CCDC178: variants seen among roughly 807,000 people sequenced by gnomAD.
CCDC178 encodes coiled-coil domain containing 178, also known as coiled-coil domain-containing protein 178.
A neutral mutation model predicts 117.4 loss-of-function variants in CCDC178; 126 were observed. That is an observed-to-expected ratio of 1.07 (90% CI 0.93 to 1.24). The LOEUF (loss-of-function observed/expected upper bound fraction) is 1.24. Among genes scored for constraint, CCDC178 ranks in the 50% most tolerant of loss-of-function variants. The pLI, the probability that CCDC178 is intolerant of heterozygous loss-of-function variation, is 0.00. For synonymous variants in CCDC178, 283 were observed against 313.4 expected (o/e 0.90, Z 1.02); for missense variants, 1,030 against 986.9 (o/e 1.04, Z -0.59).
chr18:33,344,977 C>A (rs1015045271), intron 9 of CCDC178, among the ~76,000 whole-genome samples: 21 of 151,974 alleles, frequency 1.4e-4, no homozygotes, highest in Non-Finnish European at 1.2e-4. Context: ...CTAATCTTTT[C>A]TTGCAACTCT....
intron 21 of CCDC178, among the ~76,000 whole-genome samples, chr18:33,086,969 GACAC>G (rs71949744): frequency 0.12 from 14,950 of 123,914 alleles, 841 homozygotes; most frequent in Middle Eastern, 0.15. Flanking sequence ...GCTATTGGTT[GACAC>G]ACACACACAC....
intron 20 of CCDC178, among the ~76,000 whole-genome samples, chr18:33,138,960 A>C (rs998244756): frequency 1.3e-5 from 2 of 152,212 alleles, no homozygotes; most frequent in Admixed American, 1.3e-4. Context: ...CTGTGTCCCC[A>C]CCCAAATCAT....
At chr18:33,194,716 G>A (rs1301043413) in intron 20 of CCDC178, among the ~76,000 whole-genome samples, 3 of 151,716 alleles carry the variant, frequency 2.0e-5, no homozygotes, top group Admixed American at 2.0e-4. Flanking sequence ...TGATCTTCTT[G>A]ACTCATTTCT....
chr18:33,064,172 C>T (rs1249864476), intron 21 of CCDC178, among the ~76,000 whole-genome samples: 1 of 152,124 alleles, frequency 6.6e-6, no homozygotes, highest in Non-Finnish European at 1.5e-5. Flanking sequence ...TCCAAATGAA[C>T]ACAATAATTC....
intron 4 of CCDC178, among the ~76,000 whole-genome samples, chr18:33,392,304 C>T (rs147321819): frequency 2.0e-4 from 31 of 152,344 alleles, no homozygotes; most frequent in African/African-American, 7.5e-4. Context: ...ATTGTAACCA[C>T]AACTTCAGTC....
intron 21 of CCDC178, among the ~76,000 whole-genome samples, chr18:33,084,861 G>A (rs189864363): frequency 6.6e-6 from 1 of 151,620 alleles, no homozygotes; most frequent in Non-Finnish European, 1.5e-5. Context: ...CAATTCATGT[G>A]TCATTGCTGA....
chr18:33,232,264 A>G (rs1001078701), intron 15 of CCDC178, among the ~76,000 whole-genome samples: 3 of 152,164 alleles, frequency 2.0e-5, no homozygotes, highest in African/African-American at 7.2e-5. Context: ...GTACTAGGAC[A>G]AAAGATAGCT....
rs117804842 is a variant in CCDC178, at chr18:33,246,829, G to A, written c.1410-1401C>T. Among the ~76,000 whole-genome samples the A allele has an allele frequency of 9.6e-3, 1,451 of 151,892 alleles. 16 individuals carry two copies. The highest frequency in any genetic ancestry group is 0.017 in the Non-Finnish European group (1,123 of 67,882). On this transcript the variant is annotated intron_variant, in intron 14 of 22. Transcript: ENST00000383096. ...AGGCATTGAGGAGAACAGATCCTGA[G>A]ACCAATAACTCAACAATGCTGCCTA...
intron 2 of CCDC178, among the ~76,000 whole-genome samples, chr18:33,412,947 T>C (rs1166764386): frequency 6.6e-6 from 1 of 152,166 alleles, no homozygotes; most frequent in African/African-American, 2.4e-5. Context: ...TCAAATATTT[T>C]GTCCTATAGA....
chr18:33,363,228 G>A (rs141600582), intron 6 of CCDC178, among the ~76,000 whole-genome samples: 231 of 152,088 alleles, frequency 1.5e-3, no homozygotes, highest in African/African-American at 4.9e-3. Context: ...GGCTTTTGGG[G>A]CATGGAAGTA....
At position 33,296,765 on chromosome 18, in the gene CCDC178, C is replaced by T. The variant is rs150705519; in HGVS notation, c.1023-3453G>A. ...ATTTTGGGCCAGGCGTGGTGGCTCA[C>T]ACCTGTAATCCTAGCACTTTGAAAG... On this transcript the variant is annotated intron_variant, in intron 11 of 22. Coordinates refer to ENST00000383096, the MANE Select transcript of CCDC178 (RefSeq NM_001105528.4). Among the ~76,000 whole-genome samples the T allele has an allele frequency of 9.2e-5, 14 of 152,274 alleles. No homozygotes were observed. In the East Asian group the frequency reaches 2.7e-3, roughly 29 times the overall value.
intron 9 of CCDC178, among the ~76,000 whole-genome samples, chr18:33,340,577 T>G (rs1392634110): frequency 1.3e-5 from 2 of 152,026 alleles, no homozygotes; most frequent in Non-Finnish European, 2.9e-5. Context: ...GAAAAAGTGG[T>G]TCTGTGGGCC....
At chr18:33,381,026 C>G (rs1274148139) in intron 5 of CCDC178, among the ~76,000 whole-genome samples, 1 of 152,164 alleles carries the variant, frequency 6.6e-6, no homozygotes, top group African/African-American at 2.4e-5. Context: ...AAGTTTGGAA[C>G]AGTTAAATCA....
At chr18:33,210,246 A>G (rs1939632090) in intron 20 of CCDC178, among the ~76,000 whole-genome samples, 1 of 152,062 alleles carries the variant, frequency 6.6e-6, no homozygotes, top group Non-Finnish European at 1.5e-5. Flanking sequence ...GGAGATAGGC[A>G]GACAAAAGAC....
intron 19 of CCDC178, among the ~76,000 whole-genome samples, chr18:33,213,857 TA>T (rs1216218666): frequency 6.6e-6 from 1 of 152,044 alleles, no homozygotes; most frequent in African/African-American, 2.4e-5. Flanking sequence ...CTTGTTTATA[TA>T]AGGTTTGTCT....
chr18:32,957,964 C>T (rs1431971856), intron 22 of CCDC178: 3 of 257,444 alleles, frequency 1.2e-5, no homozygotes, highest in Non-Finnish European at 2.2e-5. Flanking sequence ...AAATGAAGTA[C>T]CTCTTTAGTT....
Position 33,201,319 on chromosome 18 carries a change from G to A in CCDC178, c.2238+10577C>T, listed in dbSNP as rs75236978. 4.6e-3 allele frequency among the ~76,000 whole-genome samples: 708 copies of A among 152,314 alleles called. 5 individuals are homozygous for A. Among genetic ancestry groups the A allele is most frequent in the African/African-American group, 0.016 (679 of 41,570 alleles). On this transcript the variant is annotated intron_variant, in intron 20 of 22. Coordinates refer to ENST00000383096, the MANE Select transcript of CCDC178 (RefSeq NM_001105528.4). Reference sequence around the variant, plus strand: ...CTTGATTACTAAAGCCCTTGAAAAAGTATTTCAAAGCTTCCCCTTTCCATG... The same window carrying A: ...CTTGATTACTAAAGCCCTTGAAAAAATATTTCAAAGCTTCCCCTTTCCATG...
intron 21 of CCDC178, among the ~76,000 whole-genome samples, chr18:33,067,829 T>C (rs1300713779): frequency 1.3e-5 from 2 of 151,166 alleles, no homozygotes; most frequent in Non-Finnish European, 2.9e-5. Context: ...AGGAACTCTG[T>C]CTCAAAAATA....
chr18:33,110,591 G>T (rs982029637), intron 20 of CCDC178, among the ~76,000 whole-genome samples: 2 of 151,482 alleles, frequency 1.3e-5, no homozygotes, highest in African/African-American at 4.8e-5. Flanking sequence ...GAAAGTCAAG[G>T]TATCTTTTTT....
Sources: allele counts gnomAD v4.1 joint callset (sites outside exome capture counted in the v4.1 genomes callset), GRCh38; gene constraint gnomAD v4.1.1; transcripts MANE v1.5; gene names NCBI Gene and HGNC (gene_info 2026-07-23, HGNC 2026-07-21).